MARF1: variants seen among roughly 807,000 people sequenced by gnomAD.
The protein encoded by MARF1 is meiosis regulator and mRNA stability factor 1.
A neutral mutation model predicts 168.2 loss-of-function variants in MARF1; 24 were observed. The observed-to-expected ratio is 0.14, with a 90% confidence interval of 0.10 to 0.20. The LOEUF (loss-of-function observed/expected upper bound fraction) is 0.20, where lower values mean the gene tolerates loss of function less well. Among genes scored for constraint, MARF1 ranks in the 10% least tolerant of loss-of-function variants. The pLI is 1.00. For missense variants in MARF1, 1,744 were observed against 2,143.6 expected, an observed-to-expected ratio of 0.81 and a Z score of 3.68; for synonymous variants, 868 against 822.4, an observed-to-expected ratio of 1.06 and a Z score of -0.95.
intron 25 of MARF1, among the ~76,000 whole-genome samples, chr16:15,599,506 G>T (rs1187328461): frequency 6.6e-6 from 1 of 152,224 alleles, no homozygotes; most frequent in East Asian, 1.9e-4. Context: ...CTGTGGGGCA[G>T]CTTCGGCAGA....
intron 26 of MARF1, 45 bp downstream of exon 26, chr16:15,598,809 T>C: frequency 1.3e-6 from 2 of 1,592,134 alleles, no homozygotes; most frequent in East Asian, 4.5e-5. Context: ...GTGGTTTTGT[T>C]TTAAACCCCG....
intron 2 of MARF1, among the ~76,000 whole-genome samples, chr16:15,636,702 C>T (rs2035620936): frequency 6.6e-6 from 1 of 152,156 alleles, no homozygotes. Context: ...GGTATGAAAA[C>T]AACCCCTCAC....
At chr16:15,597,831 C>T (rs545524416) in intron 26 of MARF1, among the ~76,000 whole-genome samples, 1 of 151,906 alleles carries the variant, frequency 6.6e-6, no homozygotes, top group Non-Finnish European at 1.5e-5. Context: ...GTGCCACCAA[C>T]CCTAGGGGGG....
At chr16:15,597,774 G>A (rs1256463336) in intron 26 of MARF1, among the ~76,000 whole-genome samples, 1 of 152,130 alleles carries the variant, frequency 6.6e-6, no homozygotes, top group East Asian at 1.9e-4. Context: ...AACTTGCCCA[G>A]ACTGAAGGCA....
intron 7 of MARF1, among the ~76,000 whole-genome samples, chr16:15,628,909 G>A (rs1201375185): frequency 6.6e-6 from 1 of 151,972 alleles, no homozygotes; most frequent in Non-Finnish European, 1.5e-5. Context: ...TATCACTCTA[G>A]TGGATGGGAA....
At chr16:15,623,682 G>GTTT (rs1427134173) in intron 10 of MARF1, among the ~76,000 whole-genome samples, 1 of 151,984 alleles carries the variant, frequency 6.6e-6, no homozygotes, top group Non-Finnish European at 1.5e-5. Context: ...TCTTCCTTTG[G>GTTT]GTTAAAGCTA....
chr16:15,610,565 G>GA lies in MARF1; in HGVS notation c.3751+409dup, dbSNP rs11358117. 366 of 154,962 alleles carry GA rather than the reference G, an allele frequency of 2.4e-3. 8 individuals carry two copies. In the South Asian group the frequency reaches 0.042, roughly 18 times the overall value. 9.6% of individuals were successfully genotyped at this position (154,962 alleles called of 1,614,324 possible). On this transcript the variant is annotated intron_variant, in intron 19 of 26. Transcript: ENST00000396368. Reference sequence around the variant, plus strand: ...AACTATTAAAATTTGAAAGGCAAAAGAAAAAAAAACATTCGAGTTGTCTTC... The same window carrying GA: ...AACTATTAAAATTTGAAAGGCAAAAGAAAAAAAAAACATTCGAGTTGTCTTC...
chr16:15,630,164 G>A, intron 7 of MARF1, 168 bp downstream of exon 7: 1 of 486,640 alleles, frequency 2.1e-6, no homozygotes, highest in Non-Finnish European at 3.6e-6. Context: ...CCAATTATCT[G>A]TATATTTGTG....
At chr16:15,631,973 C>G (rs537968220) in intron 5 of MARF1, among the ~76,000 whole-genome samples, 1 of 152,070 alleles carries the variant, frequency 6.6e-6, no homozygotes, top group Non-Finnish European at 1.5e-5. Flanking sequence ...TATTATGTGC[C>G]ACATTTTCTT....
chr16:15,604,729 T>C (rs1269491988), intron 21 of MARF1, among the ~76,000 whole-genome samples: 3 of 152,112 alleles, frequency 2.0e-5, no homozygotes, highest in Non-Finnish European at 4.4e-5. Context: ...GGCCAGCTGA[T>C]GGCCAGTGGT....
At chr16:15,608,753 T>G in intron 20 of MARF1, 1 of 537,610 alleles carries the variant, frequency 1.9e-6, no homozygotes, top group East Asian at 2.9e-5. Flanking sequence ...AGTTCTATGT[T>G]ATGTGTATTG....
In MARF1 at chr16:15,608,275, A is replaced by C. The variant is rs775321713; in HGVS notation, c.4182+16T>G. 19 of 1,468,180 alleles carry C rather than the reference A, an allele frequency of 1.3e-5. No individual in the cohort carries two copies. The highest frequency in any genetic ancestry group is 2.8e-5 in the African/African-American group (2 of 70,198). The allele number at this position is 1,468,180 out of a possible 1,614,324, so 90.9% of individuals were successfully genotyped here. ...TCCCATGAGGGAAAAAAAAAAAAAAAAAAAAAAACATTTACCTTCACGACA... is the reference window on the plus strand; with the variant it reads ...TCCCATGAGGGAAAAAAAAAAAAAACAAAAAAAACATTTACCTTCACGACA... On this transcript the variant is annotated intron_variant, in intron 21 of 26. Transcript: ENST00000396368.
chr16:15,602,523 A>AGACGACGATAAAGAAGAC, intron 22 of MARF1: 1 of 526,008 alleles, frequency 1.9e-6, no homozygotes, highest in Non-Finnish European at 3.5e-6. Context: ...AAGAAGACGA[A>AGACGACGATAAAGAAGAC]GACGACGATA....
At chr16:15,634,236 C>A (rs779918844) in intron 4 of MARF1, among the ~76,000 whole-genome samples, 23 of 152,310 alleles carry the variant, frequency 1.5e-4, no homozygotes, top group Middle Eastern at 3.4e-3. Context: ...TTGGTAGTAA[C>A]CAACACTGAG....
At chr16:15,628,422 A>AT (rs984614723) in intron 7 of MARF1, among the ~76,000 whole-genome samples, 1 of 148,730 alleles carries the variant, frequency 6.7e-6, no homozygotes, top group Non-Finnish European at 1.5e-5. Context: ...TTTTTTTTAG[A>AT]TTTTTTGAGA....
At chr16:15,621,393 A>T (rs1318298180) in intron 12 of MARF1, 1 of 271,070 alleles carries the variant, frequency 3.7e-6, no homozygotes, top group Admixed American at 4.9e-5. Context: ...TTTACACACA[A>T]ATCTACCTTC....
rs201988170 is a variant in MARF1, at chr16:15,633,761, G to C, written c.1089C>G (p.Ser363=). Residue 363 remains serine, a synonymous_variant, in exon 5 of 27, where the codon TCC becomes TCG. Coordinates refer to ENST00000396368, the MANE Select transcript of MARF1 (RefSeq NM_014647.4). ...IGVFWDIENC[S]VPSGRSATAV... is the part of the protein sequence containing the mutation. Reference sequence around the variant, plus strand: ...CAGTTGCTGACCGGCCAGAGGGAACGGAGCAGTTTTCAATATCCCAAAAAA... The same window carrying C: ...CAGTTGCTGACCGGCCAGAGGGAACCGAGCAGTTTTCAATATCCCAAAAAA... 860 of 1,614,060 alleles carry C rather than the reference G, an allele frequency of 5.3e-4. 2 individuals are homozygous for C. The highest frequency in any genetic ancestry group is 6.3e-4 in the Non-Finnish European group (738 of 1,180,002).
In MARF1 at chr16:15,596,095, A is replaced by C. The variant is rs2150993734; in HGVS notation, c.*598T>G. The C allele has an allele frequency of 6.5e-6, 1 of 152,814 alleles. No individual in the cohort carries two copies. The highest frequency in any genetic ancestry group is 2.4e-5 in the African/African-American group (1 of 41,588). 9.5% of individuals were successfully genotyped at this position (152,814 alleles called of 1,614,324 possible). ...TTTTGTCAACTACAGACATAGTTTA[A>C]ATAAAAAACAAGGCACACTTACAAG... On this transcript the variant is annotated 3_prime_UTR_variant, in exon 27 of 27. Coordinates refer to ENST00000396368, the MANE Select transcript of MARF1 (RefSeq NM_014647.4).
intron 25 of MARF1, 130 bp from the exon 26 acceptor site, chr16:15,599,154 T>TAAAAAAAAAAAAAAAAA: frequency 3.4e-6 from 1 of 297,698 alleles, no homozygotes; most frequent in Admixed American, 5.3e-5. Context: ...TTTAAGGTAT[T>TAAAAAAAAAAAAAAAAA]AAAAAAAAAA....
Sources: allele counts gnomAD v4.1 joint callset (sites outside exome capture counted in the v4.1 genomes callset), GRCh38; gene constraint gnomAD v4.1.1; transcripts MANE v1.5; gene names NCBI Gene and HGNC (gene_info 2026-07-23, HGNC 2026-07-21).